Variants in PDE4D observed in about 807,000 individuals in gnomAD.
PDE4D encodes 3',5'-cyclic-AMP phosphodiesterase 4D.
Under a neutral mutation model 87.4 loss-of-function variants are expected in PDE4D, and 24 were observed. The observed-to-expected ratio is 0.27, with a 90% CI of 0.20 to 0.39. The LOEUF (loss-of-function observed/expected upper bound fraction) is 0.39. Ranked by LOEUF, PDE4D falls within the 10% of genes least tolerant of loss-of-function variation. PDE4D has a pLI of 1.00. For missense variants in PDE4D, 714 were observed against 1,041.0 expected (o/e 0.69, Z 4.32); for synonymous variants, 384 against 383.2 (o/e 1.00, Z -0.02).
At chr5:59,595,858 G>A (rs1375580973) in intron 1 of PDE4D, among the ~76,000 whole-genome samples, 6 of 152,012 alleles carry the variant, frequency 3.9e-5, no homozygotes, top group Non-Finnish European at 8.8e-5. Context: ...GTAGGACATA[G>A]TAGATGTATT....
intron 1 of PDE4D, among the ~76,000 whole-genome samples, chr5:59,293,448 G>C (rs936151122): frequency 6.6e-6 from 1 of 152,072 alleles, no homozygotes; most frequent in African/African-American, 2.4e-5. Flanking sequence ...TTCAATTAGA[G>C]AAACTAGAAC....
chr5:59,969,062 C>T (rs1276954474), intron 3 of PDE4D, among the ~76,000 whole-genome samples: 1 of 149,550 alleles, frequency 6.7e-6, no homozygotes, highest in East Asian at 2.0e-4. Context: ...ATTATTGATG[C>T]CAGAACCTAT....
intron 5 of PDE4D, among the ~76,000 whole-genome samples, chr5:59,126,557 C>A (rs1775428909): frequency 6.6e-6 from 1 of 152,178 alleles, no homozygotes; most frequent in African/African-American, 2.4e-5. Flanking sequence ...CAAAAAGAAA[C>A]AGGTCTTTGA....
chr5:59,362,819 G>C (rs969998897), intron 1 of PDE4D, among the ~76,000 whole-genome samples: 3 of 152,058 alleles, frequency 2.0e-5, no homozygotes, highest in African/African-American at 7.2e-5. Flanking sequence ...CACTCCCTTG[G>C]GAGAAAGAAA....
At chr5:60,347,192 G>A (rs554615287) in intron 1 of PDE4D, among the ~76,000 whole-genome samples, 76 of 152,176 alleles carry the variant, frequency 5.0e-4, no homozygotes, top group Middle Eastern at 3.4e-3. Context: ...TGATGCATAA[G>A]AGCCAGTGTG....
At chr5:60,116,589 A>G (rs1778190567) in intron 2 of PDE4D, among the ~76,000 whole-genome samples, 1 of 152,092 alleles carries the variant, frequency 6.6e-6, no homozygotes, top group Non-Finnish European at 1.5e-5. Context: ...CTGATAGTCT[A>G]TAATTAGGTT....
chr5:58,996,580 C>CA (rs1265373102), intron 6 of PDE4D, among the ~76,000 whole-genome samples: 1 of 152,008 alleles, frequency 6.6e-6, no homozygotes, highest in Non-Finnish European at 1.5e-5. Context: ...CTCAATAAAG[C>CA]AAAACAAGGG....
intron 5 of PDE4D, among the ~76,000 whole-genome samples, chr5:59,173,756 G>A (rs960681356): frequency 2.6e-5 from 4 of 152,190 alleles, no homozygotes; most frequent in African/African-American, 9.7e-5. Context: ...GGTGGTTGAT[G>A]AGGAAGTAGG....
intron 1 of PDE4D, among the ~76,000 whole-genome samples, chr5:59,862,053 C>G (rs752929352): frequency 1.1e-4 from 16 of 152,134 alleles, no homozygotes; most frequent in Admixed American, 1.3e-4. Context: ...TCTCACTGCC[C>G]AGGGGACCAC....
chr5:59,463,909 GACCTTACCCCCA>G (rs1449985645), intron 1 of PDE4D, among the ~76,000 whole-genome samples: 1 of 152,162 alleles, frequency 6.6e-6, no homozygotes, highest in Non-Finnish European at 1.5e-5. Context: ...GTTAATCTGT[GACCTTACCCCCA>G]ACCCCGTGCT....
In PDE4D at chr5:60,185,660, C is replaced by T. The variant is rs1001256640; in HGVS notation, c.-62G>A. The T allele has an allele frequency of 1.1e-5, 12 of 1,076,194 alleles. No homozygotes were observed. The African/African-American group carries it at 1.4e-4, about 13-fold the overall frequency. The allele number at this position is 1,076,194 out of a possible 1,614,324, so 66.7% of individuals were successfully genotyped here. On this transcript the variant is annotated 5_prime_UTR_variant, in exon 2 of 17. Transcript: ENST00000502484. The stretch of plus-strand genomic sequence containing the variant: ...TTCCAGTGTCAATGATCTCACTGCA[C>T]GTATCCACTCAAAAGCCAACTGGAA...
intron 1 of PDE4D, among the ~76,000 whole-genome samples, chr5:60,194,522 G>A (rs1740978875): frequency 6.6e-6 from 1 of 151,644 alleles, no homozygotes; most frequent in Admixed American, 6.6e-5. Flanking sequence ...ATAAAATGCA[G>A]ATGGCTGACT....
rs140731893 is a variant in PDE4D at position 60,401,974 on chromosome 5, A to T, written c.-90+85968T>A. ...AAAATCTAAATGTGAATACCCAAAA[A>T]TGGGAAAGAAAACACAGATTATAAC... On this transcript the variant is annotated intron_variant, in intron 1 of 16. Coordinates refer to the PDE4D transcript ENST00000502484. 6.5e-3 allele frequency among the ~76,000 whole-genome samples: 983 copies of T among 152,284 alleles called. 9 individuals are homozygous for T. Among genetic ancestry groups the T allele is most frequent in the African/African-American group, 0.022 (928 of 41,552 alleles).
intron 1 of PDE4D, among the ~76,000 whole-genome samples, chr5:59,655,287 G>T (rs1450542114): frequency 6.6e-6 from 1 of 152,114 alleles, no homozygotes; most frequent in Non-Finnish European, 1.5e-5. Context: ...AGCTTGATGT[G>T]CAAAAGAGAT....
At chr5:59,872,074 AG>A in intron 1 of PDE4D, among the ~76,000 whole-genome samples, 1 of 152,224 alleles carries the variant, frequency 6.6e-6, no homozygotes, top group Non-Finnish European at 1.5e-5. Context: ...GGTGCTCCCT[AG>A]GTCAATGGGA....
intron 1 of PDE4D, among the ~76,000 whole-genome samples, chr5:59,347,628 G>A (rs945943083): frequency 3.9e-5 from 6 of 151,992 alleles, no homozygotes; most frequent in African/African-American, 7.2e-5. Context: ...TATTTTCTAC[G>A]TATAAAAAGT....
At chr5:59,500,607 G>C (rs1218250031) in intron 1 of PDE4D, among the ~76,000 whole-genome samples, 1 of 152,074 alleles carries the variant, frequency 6.6e-6, no homozygotes, top group Non-Finnish European at 1.5e-5. Flanking sequence ...GATTCCAAAA[G>C]GGTGGGAGGA....
At chr5:60,303,568 A>T (rs540489500) in intron 1 of PDE4D, among the ~76,000 whole-genome samples, 1 of 151,838 alleles carries the variant, frequency 6.6e-6, no homozygotes, top group East Asian at 1.9e-4. Flanking sequence ...CGGCCTCCCA[A>T]AGTGCTGGGA....
chr5:59,782,984 T>A (rs1407530308), intron 1 of PDE4D, among the ~76,000 whole-genome samples: 1 of 152,196 alleles, frequency 6.6e-6, no homozygotes, highest in African/African-American at 2.4e-5. Context: ...CCAACTTCCC[T>A]TTGCATCCTG....
Sources: gnomAD v4.1 joint callset for allele counts (sites outside exome capture counted in the v4.1 genomes callset) on GRCh38, gnomAD v4.1.1 for gene constraint, MANE v1.5 for transcripts, NCBI Gene and HGNC (gene_info 2026-07-23, HGNC 2026-07-21) for gene names.